HHAT: variants seen among roughly 807,000 people sequenced by gnomAD.
HHAT encodes protein-cysteine N-palmitoyltransferase HHAT.
In HHAT, 47 loss-of-function variants were observed where a neutral mutation model predicts 70.8. The ratio of observed to expected loss-of-function variants is 0.66; its 90% CI spans 0.53 to 0.85. The LOEUF (loss-of-function observed/expected upper bound fraction) is 0.85, where lower values mean the gene tolerates loss of function less well. Among genes scored for constraint, HHAT ranks in the 40% least tolerant of loss-of-function variants. The pLI is 0.00. For synonymous variants in HHAT, 228 were observed against 247.6 expected (o/e 0.92, Z 0.74); for missense variants, 609 against 604.8 (o/e 1.01, Z -0.07).
chr1:210,628,099 G>A (rs1487406141), intron 11 of HHAT, among the ~76,000 whole-genome samples: 2 of 152,206 alleles, frequency 1.3e-5, no homozygotes, highest in African/African-American at 4.8e-5. Flanking sequence ...AGACCAGCAA[G>A]GCCAGTCCCC....
At chr1:210,534,768 C>G (rs1472846084) in intron 9 of HHAT, among the ~76,000 whole-genome samples, 1 of 152,164 alleles carries the variant, frequency 6.6e-6, no homozygotes, top group Non-Finnish European at 1.5e-5. Context: ...TCACAGAGCT[C>G]AAACGTTTCA....
chr1:210,668,532 T>C (rs577288479), intron 11 of HHAT, among the ~76,000 whole-genome samples: 35 of 152,230 alleles, frequency 2.3e-4, no homozygotes, highest in Non-Finnish European at 4.0e-4. Flanking sequence ...CCATGTAAGA[T>C]ATGCCTTTGC....
At chr1:210,518,177 A>G (rs375645259) in intron 9 of HHAT, among the ~76,000 whole-genome samples, 1 of 152,182 alleles carries the variant, frequency 6.6e-6, no homozygotes, top group East Asian at 1.9e-4. Flanking sequence ...GCAATCGGAC[A>G]CCAGAACTTA....
At chr1:210,374,193 A>C (rs1199385937) in intron 3 of HHAT, 3 of 152,220 alleles carry the variant, frequency 2.0e-5, no homozygotes, top group Non-Finnish European at 4.4e-5. Context: ...ATTAGCTTAT[A>C]ACTGATTTGT....
At chr1:210,336,870 A>G (rs146057746) in intron 1 of HHAT, among the ~76,000 whole-genome samples, 1 of 152,350 alleles carries the variant, frequency 6.6e-6, no homozygotes, top group African/African-American at 2.4e-5. Context: ...AAAATCTTGT[A>G]AAAAGTTAGG....
At chr1:210,480,721 T>C (rs1306948964) in intron 8 of HHAT, among the ~76,000 whole-genome samples, 1 of 152,144 alleles carries the variant, frequency 6.6e-6, no homozygotes, top group Non-Finnish European at 1.5e-5. Context: ...CAGGTAAACT[T>C]TGTTCCCCAT....
At chr1:210,653,295 C>T (rs545629117) in intron 11 of HHAT, among the ~76,000 whole-genome samples, 38 of 152,240 alleles carry the variant, frequency 2.5e-4, no homozygotes, top group Middle Eastern at 3.4e-3. Context: ...GTAATCCCAG[C>T]ACTTTGGGAG....
chr1:210,469,341 T>C (rs1199671422), intron 8 of HHAT, among the ~76,000 whole-genome samples: 2 of 152,158 alleles, frequency 1.3e-5, no homozygotes, highest in Non-Finnish European at 2.9e-5. Context: ...ATCTTGTCAC[T>C]AGATGATGCC....
chr1:210,348,426 A>G (rs557085840), intron 1 of HHAT, among the ~76,000 whole-genome samples: 14 of 152,230 alleles, frequency 9.2e-5, no homozygotes, highest in Admixed American at 9.2e-4. Flanking sequence ...GAAAGGGACA[A>G]CAAGGATGGT....
At chr1:210,330,721 A>G (rs573001835) in intron 1 of HHAT, among the ~76,000 whole-genome samples, 2 of 152,300 alleles carry the variant, frequency 1.3e-5, no homozygotes, top group Admixed American at 6.5e-5. Flanking sequence ...GTGGTCCCCA[A>G]CCTTTTTGGC....
intron 7 of HHAT, among the ~76,000 whole-genome samples, chr1:210,457,370 G>A (rs1224551000): frequency 6.6e-6 from 1 of 152,066 alleles, no homozygotes; most frequent in East Asian, 1.9e-4. Flanking sequence ...AAGCTACAAA[G>A]CTTTAATCAC....
chr1:210,507,359 C>CTTTTTTTTTTTTTT (rs927392992), intron 8 of HHAT, among the ~76,000 whole-genome samples: 3 of 122,526 alleles, frequency 2.4e-5, no homozygotes, highest in African/African-American at 5.9e-5. Flanking sequence ...TTTCTTTTTT[C>CTTTTTTTTTTTTTT]TTTTTTTTTT....
chr1:210,509,945 G>T (rs112852130), intron 8 of HHAT, among the ~76,000 whole-genome samples: 52 of 152,256 alleles, frequency 3.4e-4, no homozygotes, highest in African/African-American at 1.2e-3. Flanking sequence ...ATCCTTTCAT[G>T]CATTGGGTGT....
chr1:210,431,409 G>T (rs1471904165), intron 7 of HHAT, among the ~76,000 whole-genome samples: 2 of 151,694 alleles, frequency 1.3e-5, no homozygotes, highest in Non-Finnish European at 2.9e-5. Flanking sequence ...TTCTGCTCTT[G>T]CTTTATATAT....
chr1:210,446,451 C>G (rs1254698624), intron 7 of HHAT, among the ~76,000 whole-genome samples: 2 of 152,182 alleles, frequency 1.3e-5, no homozygotes, highest in Non-Finnish European at 2.9e-5. Context: ...GTAAAACTTG[C>G]TCTACAATGA....
At position 210,588,176 on chromosome 1, in the gene HHAT, G is replaced by C. The variant is rs1006909270; in HGVS notation, c.1245+77G>C. 7 of 1,237,884 alleles carry C rather than the reference G, an allele frequency of 5.7e-6. No homozygotes were observed. The African/African-American group carries it at 7.4e-5, about 13-fold the overall frequency. 76.7% of individuals were successfully genotyped at this position (1,237,884 alleles called of 1,614,324 possible). ...AGGTTTATTAGGGATGGGGCCATCA[G>C]ATTCCCTGCCCCCACTATGGGCCCT... On this transcript the variant is annotated intron_variant, in intron 10 of 11. Coordinates refer to ENST00000261458, the MANE Select transcript of HHAT (RefSeq NM_018194.6).
At chr1:210,578,669 A>C (rs1658472062) in intron 9 of HHAT, among the ~76,000 whole-genome samples, 1 of 152,234 alleles carries the variant, frequency 6.6e-6, no homozygotes, top group Admixed American at 6.5e-5. Flanking sequence ...TGCCAGTTGC[A>C]ACATCGTGAA....
At chr1:210,384,049 T>C (rs2090860940) in intron 3 of HHAT, among the ~76,000 whole-genome samples, 1 of 152,124 alleles carries the variant, frequency 6.6e-6, no homozygotes, top group South Asian at 2.1e-4. Context: ...AACTCTGCTG[T>C]GGGTAGGAAA....
At chr1:210,642,944 A>G (rs913704990) in intron 11 of HHAT, among the ~76,000 whole-genome samples, 3 of 152,208 alleles carry the variant, frequency 2.0e-5, no homozygotes, top group Non-Finnish European at 4.4e-5. Context: ...ATATTGCTCT[A>G]TGTTATCTTC....
Sources: allele counts gnomAD v4.1 joint callset (sites outside exome capture counted in the v4.1 genomes callset), GRCh38; gene constraint gnomAD v4.1.1; transcripts MANE v1.5; gene names NCBI Gene and HGNC (gene_info 2026-07-23, HGNC 2026-07-21).